GPALPP1: variants seen among roughly 807,000 people sequenced by gnomAD.
The protein encoded by GPALPP1 is GPALPP motifs containing 1.
In GPALPP1, 30 loss-of-function variants were observed where a neutral mutation model predicts 38.9. That is an observed-to-expected ratio of 0.77 (90% CI 0.58 to 1.05). The LOEUF is 1.05. Among genes scored for constraint, GPALPP1 ranks in the 50% least tolerant of loss-of-function variants. GPALPP1 has a pLI of 0.00. For synonymous variants in GPALPP1, 120 were observed against 139.2 expected (o/e 0.86, Z 0.97); for missense variants, 384 against 408.8 (o/e 0.94, Z 0.52).
At chr13:45,018,376 A>G (rs1214864982) in intron 6 of GPALPP1, among the ~76,000 whole-genome samples, 2 of 151,530 alleles carry the variant, frequency 1.3e-5, no homozygotes, top group Non-Finnish European at 2.9e-5. Flanking sequence ...CAGCCTGGGT[A>G]ACAGAGCGAG....
intron 1 of GPALPP1, among the ~76,000 whole-genome samples, chr13:44,994,684 A>G (rs1169127531): frequency 6.6e-6 from 1 of 152,324 alleles, no homozygotes; most frequent in East Asian, 1.9e-4. Context: ...CTCACGTGAT[A>G]AACATAAAGT....
intron 4 of GPALPP1, among the ~76,000 whole-genome samples, chr13:45,011,145 G>A (rs1874445516): frequency 6.6e-6 from 1 of 152,028 alleles, no homozygotes; most frequent in South Asian, 2.1e-4. Context: ...TGGAGAGGAT[G>A]AAAGTTAGGG....
exon 8 of GPALPP1, chr13:45,037,132 C>A (rs78642612): frequency 6.6e-6 from 1 of 152,048 alleles, no homozygotes; most frequent in Non-Finnish European, 1.5e-5. Flanking sequence ...GCTGTCCTGC[C>A]CTTTAAAGCA....
In GPALPP1 at chr13:45,028,596, TCTACAAAAAA is replaced by T; in HGVS notation, c.*597_*606del. 1 of 152,236 alleles carries T rather than the reference TCTACAAAAAA, an allele frequency of 6.6e-6. No individual in the cohort carries two copies. The highest frequency in any genetic ancestry group is 1.5e-5 in the Non-Finnish European group (1 of 68,296). The allele number at this position is 152,236 out of a possible 1,614,324, so 9.4% of individuals were successfully genotyped here. On this transcript the variant is annotated 3_prime_UTR_variant, in exon 8 of 8. Transcript: ENST00000379151. ...CTGCTTAAGATGGTGAGACCCCGTA[TCTACAAAAAA>T]CTAACCAGGTGCAGTGGAGCACACC...
At position 44,989,618 on chromosome 13, in the gene GPALPP1, A is replaced by C. The variant is rs1373611053; in HGVS notation, c.-37A>C. 1 of 1,565,210 alleles carries C rather than the reference A, an allele frequency of 6.4e-7. No homozygotes were observed. The highest frequency in any genetic ancestry group is 1.7e-5 in the Admixed American group (1 of 59,326). On this transcript the variant is annotated 5_prime_UTR_variant, in exon 1 of 8. Transcript: ENST00000379151. ...TTTTGGATAGGGTTGACGTTCGTGG[A>C]TAGACTCATATCTGTGACCAGTGTC...
chr13:45,001,190 G>C (rs1416297396), intron 1 of GPALPP1, among the ~76,000 whole-genome samples: 1 of 152,070 alleles, frequency 6.6e-6, no homozygotes, highest in Non-Finnish European at 1.5e-5. Flanking sequence ...TTTATAAGGG[G>C]CTTCTCCCCC....
chr13:45,017,015 C>T (rs1336227966), intron 6 of GPALPP1, among the ~76,000 whole-genome samples: 1 of 152,206 alleles, frequency 6.6e-6, no homozygotes, highest in East Asian at 1.9e-4. Flanking sequence ...ATTATAAATT[C>T]ATCAGTTCTG....
intron 1 of GPALPP1, among the ~76,000 whole-genome samples, chr13:44,995,203 C>CACACACACACACACACACACACACACA (rs10658655): frequency 1.2e-3 from 41 of 34,958 alleles, no homozygotes; most frequent in East Asian, 3.7e-3. Flanking sequence ...CACACACACA[C>CACACACACACACACACACACACACACA]CCCTTCTCTT....
intron 7 of GPALPP1, among the ~76,000 whole-genome samples, chr13:45,026,104 A>G (rs1239974286): frequency 6.7e-6 from 1 of 149,950 alleles, no homozygotes; most frequent in African/African-American, 2.4e-5. Context: ...ATATTTGATG[A>G]TTTTTTTTTT....
intron 7 of GPALPP1, among the ~76,000 whole-genome samples, chr13:45,026,216 G>A (rs1875823851): frequency 6.6e-6 from 1 of 152,080 alleles, no homozygotes; most frequent in African/African-American, 2.4e-5. Context: ...TACTTAAGAA[G>A]TACTTTGCTT....
In GPALPP1 at chr13:44,989,637, C is replaced by G. The variant is rs902901271; in HGVS notation, c.-18C>G. The G allele has an allele frequency of 3.1e-6, 5 of 1,603,770 alleles. No individual in the cohort carries two copies. In the African/African-American group the frequency reaches 6.7e-5, roughly 21 times the overall value. On this transcript the variant is annotated 5_prime_UTR_variant, in exon 1 of 8. Transcript: ENST00000379151. ...TCGTGGATAGACTCATATCTGTGAC[C>G]AGTGTCCGCCACCGCGGATGGCAAG...
intron 7 of GPALPP1, 23 bp downstream of exon 7, chr13:45,020,451 T>C: frequency 1.1e-6 from 1 of 944,488 alleles, no homozygotes; most frequent in Admixed American, 1.7e-5. Flanking sequence ...ATAAGATATA[T>C]AGAGCCAGGT....
chr13:45,018,585 A>G (rs1277827386), intron 6 of GPALPP1, among the ~76,000 whole-genome samples: 1 of 151,994 alleles, frequency 6.6e-6, no homozygotes, highest in Non-Finnish European at 1.5e-5. Context: ...TAAAACATCT[A>G]TTTTCTGGGA....
At position 44,989,624 on chromosome 13, in the gene GPALPP1, T is replaced by G. The variant is rs371775017; in HGVS notation, c.-31T>G. ...ATAGGGTTGACGTTCGTGGATAGAC[T>G]CATATCTGTGACCAGTGTCCGCCAC... On this transcript the variant is annotated 5_prime_UTR_variant, in exon 1 of 8. Transcript: ENST00000379151. The G allele has an allele frequency of 1.3e-6, 2 of 1,584,322 alleles. No individual in the cohort carries two copies. The highest frequency in any genetic ancestry group is 2.7e-5 in the African/African-American group (2 of 74,404).
chr13:45,021,122 G>A (rs1219909341), intron 7 of GPALPP1, among the ~76,000 whole-genome samples: 1 of 152,136 alleles, frequency 6.6e-6, no homozygotes, highest in Non-Finnish European at 1.5e-5. Flanking sequence ...TTAAAAAAAT[G>A]GCAAATGTTG....
chr13:44,997,091 C>CT (rs74521338), intron 1 of GPALPP1, among the ~76,000 whole-genome samples: 531 of 141,758 alleles, frequency 3.7e-3, no homozygotes, highest in African/African-American at 9.6e-3. Flanking sequence ...CAGTATTTGT[C>CT]TTTTTTTTTT....
Position 45,004,438 on chromosome 13 carries a change from G to C in GPALPP1, c.221+1G>C. 1 of 1,607,196 alleles carries C rather than the reference G, an allele frequency of 6.2e-7. No individual in the cohort carries two copies. The highest frequency in any genetic ancestry group is 2.2e-5 in the East Asian group (1 of 44,804). On this transcript the variant is annotated splice_donor_variant, in intron 2 of 7. Coordinates refer to ENST00000379151, the MANE Select transcript of GPALPP1 (RefSeq NM_018559.5). LOFTEE classifies it high-confidence loss of function. The stretch of plus-strand genomic sequence containing the variant: ...AAGATGACAGTGGTCCAACTGCAAG[G>C]TCAGTCATTTAATTAAATTAAATGA...
At chr13:45,014,335 T>C (rs984740152) in intron 4 of GPALPP1, among the ~76,000 whole-genome samples, 3 of 152,220 alleles carry the variant, frequency 2.0e-5, no homozygotes, top group Non-Finnish European at 2.9e-5. Flanking sequence ...ATTGTAGATA[T>C]AAGCTAGAAA....
At chr13:45,004,563 G>A in intron 2 of GPALPP1, 126 bp downstream of exon 2, 2 of 611,248 alleles carry the variant, frequency 3.3e-6, no homozygotes, top group East Asian at 2.8e-5. Flanking sequence ...ATCATTTTGT[G>A]TGGCATTTCA....
Sources: gnomAD v4.1 joint callset for allele counts (sites outside exome capture counted in the v4.1 genomes callset) on GRCh38, gnomAD v4.1.1 for gene constraint, MANE v1.5 for transcripts, NCBI Gene and HGNC (gene_info 2026-07-23, HGNC 2026-07-21) for gene names.